COG7: variants seen among roughly 807,000 people sequenced by gnomAD.
The protein encoded by COG7 is conserved oligomeric Golgi complex subunit 7.
A neutral mutation model predicts 91.5 loss-of-function variants in COG7; 49 were observed. The observed-to-expected ratio is 0.54, with a 90% CI of 0.43 to 0.68. COG7 has a LOEUF of 0.68. COG7 is among the 30% of genes least tolerant of loss of function. The pLI, the probability that COG7 is intolerant of heterozygous loss-of-function variation, is 0.00. For synonymous variants in COG7, 365 were observed against 388.7 expected (o/e 0.94, Z 0.72); for missense variants, 895 against 961.3 (o/e 0.93, Z 0.91).
intron 10 of COG7, chr16:23,413,115 C>T (rs1003155258): frequency 3.1e-6 from 1 of 326,580 alleles, no homozygotes; most frequent in Non-Finnish European, 5.9e-6. Flanking sequence ...AATACATAAG[C>T]CCTAAGTTAT....
chr16:23,397,133 T>C (rs1963298210), intron 14 of COG7, among the ~76,000 whole-genome samples: 1 of 152,118 alleles, frequency 6.6e-6, no homozygotes, highest in Non-Finnish European at 1.5e-5. Context: ...GGTTTCAAAT[T>C]TTTGGGCTCA....
Position 23,442,513 on chromosome 16 carries a change from GACTGGCT to G in COG7, c.561_567del (p.Ala188HisfsTer4), listed in dbSNP as rs1361000986. ...GAGGTGAATGCCGCTACAATCTGTG[GACTGGCT>G]AGGGCCTCCAGCCTGTTCTTCAGTG... On this transcript the variant is annotated frameshift_variant, in exon 4 of 17. Transcript: ENST00000307149. LOFTEE classifies it high-confidence loss of function. 6.2e-7 allele frequency: 1 copy of G among 1,613,950 alleles called. No individual in the cohort carries two copies. The highest frequency in any genetic ancestry group is 8.5e-7 in the Non-Finnish European group (1 of 1,180,030).
intron 6 of COG7, among the ~76,000 whole-genome samples, chr16:23,432,232 C>G (rs994588559): frequency 3.9e-5 from 6 of 152,106 alleles, no homozygotes; most frequent in African/African-American, 9.7e-5. Context: ...GTGCTTTAAC[C>G]AACAACTTGA....
chr16:23,417,006 G>A lies in COG7; in HGVS notation c.1253C>T (p.Thr418Ile). ...RCVRFTNGLG[T>I]CGLLSALKSL... is the part of the protein sequence containing the mutation. ...TTTCAGGGCTGACAACAGGCCGCAG[G>A]TCCCCAGGCCATTGGTGAATCTGAC... is the stretch of plus-strand genomic sequence containing the variant. Residue 418 changes from threonine to isoleucine, a missense_variant, in exon 9 of 17, where the codon ACC becomes ATC. Thr to Ile is a moderately conservative substitution (Grantham distance 89). Coordinates refer to ENST00000307149, the MANE Select transcript of COG7 (RefSeq NM_153603.4). 1.2e-6 allele frequency: 2 copies of A among 1,614,194 alleles called. No individual in the cohort carries two copies. Among genetic ancestry groups the A allele is most frequent in the Non-Finnish European group, 1.7e-6 (2 of 1,180,032 alleles).
At chr16:23,401,043 T>G (rs1292640358) in intron 13 of COG7, among the ~76,000 whole-genome samples, 1 of 152,184 alleles carries the variant, frequency 6.6e-6, no homozygotes, top group Non-Finnish European at 1.5e-5. Context: ...CAGGTCATTT[T>G]TTAATTGTTC....
intron 10 of COG7, chr16:23,413,111 T>C: frequency 3.1e-6 from 1 of 322,370 alleles, no homozygotes; most frequent in South Asian, 2.8e-5. Flanking sequence ...TTCTAATACA[T>C]AAGCCCTAAG....
chr16:23,446,046 G>A (rs946773495), intron 1 of COG7, 85 bp from the exon 2 acceptor site: 20 of 1,479,998 alleles, frequency 1.4e-5, no homozygotes, highest in Admixed American at 1.9e-5. Flanking sequence ...GTAAAATACA[G>A]GAAACAAATC....
At chr16:23,422,555 A>G (rs1246513514) in intron 7 of COG7, among the ~76,000 whole-genome samples, 3 of 150,068 alleles carry the variant, frequency 2.0e-5, no homozygotes, top group Non-Finnish European at 4.4e-5. Context: ...TATATGGTAG[A>G]TATTAAGTAT....
At chr16:23,421,969 T>C (rs942903340) in intron 7 of COG7, among the ~76,000 whole-genome samples, 1 of 151,982 alleles carries the variant, frequency 6.6e-6, no homozygotes, top group Non-Finnish European at 1.5e-5. Context: ...CAAAAACTAA[T>C]GTATAAAACA....
At chr16:23,389,243 A>G (rs1963148409) in intron 16 of COG7, among the ~76,000 whole-genome samples, 157 bp from the exon 17 acceptor site, 1 of 151,878 alleles carries the variant, frequency 6.6e-6, no homozygotes, top group South Asian at 2.1e-4. Context: ...CCCTTTACTC[A>G]CCAGGTTCTT....
chr16:23,446,011 A>G, intron 1 of COG7, 50 bp from the exon 2 acceptor site: 2 of 1,593,186 alleles, frequency 1.3e-6, no homozygotes, highest in Non-Finnish European at 1.7e-6. Context: ...ATAGCCACAA[A>G]AGGTGAAAGT....
intron 7 of COG7, among the ~76,000 whole-genome samples, chr16:23,419,617 C>T (rs1478311276): frequency 6.7e-6 from 1 of 150,114 alleles, no homozygotes; most frequent in Admixed American, 6.7e-5. Context: ...GGCGTAGTGG[C>T]GGGCACCTGT....
chr16:23,450,265 T>C (rs1421344431), intron 1 of COG7, among the ~76,000 whole-genome samples: 2 of 152,090 alleles, frequency 1.3e-5, no homozygotes, highest in African/African-American at 4.8e-5. Context: ...ATTAATGTCC[T>C]TTCCTCTTTG....
At position 23,388,871 on chromosome 16, in the gene COG7, T is replaced by TCG. The variant is rs1333691218; in HGVS notation, c.*47_*48dup. On this transcript the variant is annotated 3_prime_UTR_variant, in exon 17 of 17. Coordinates refer to ENST00000307149, the MANE Select transcript of COG7 (RefSeq NM_153603.4). Reference sequence around the variant, plus strand: ...TTCTGAGCAAATCTGTGCTGGTGAGTCGCGAAACAGCAGCCCTGGCTCTCT... The same window carrying TCG: ...TTCTGAGCAAATCTGTGCTGGTGAGTCGCGCGAAACAGCAGCCCTGGCTCTCT... The TCG allele has an allele frequency of 1.9e-6, 3 of 1,611,248 alleles. No homozygotes were observed. The highest frequency in any genetic ancestry group is 3.4e-5 in the Admixed American group (2 of 59,666).
chr16:23,404,479 T>TA (rs546578075), intron 12 of COG7, among the ~76,000 whole-genome samples: 3 of 152,258 alleles, frequency 2.0e-5, no homozygotes, highest in Non-Finnish European at 4.4e-5. Context: ...AGAATTGCTT[T>TA]ACGAAGTGTT....
chr16:23,428,549 T>C (rs1338876583), intron 6 of COG7, among the ~76,000 whole-genome samples: 1 of 152,024 alleles, frequency 6.6e-6, no homozygotes, highest in Non-Finnish European at 1.5e-5. Context: ...GATGAGATAC[T>C]ACTACACACC....
chr16:23,410,872 AT>A (rs1963551448), intron 10 of COG7, among the ~76,000 whole-genome samples: 1 of 151,954 alleles, frequency 6.6e-6, no homozygotes, highest in African/African-American at 2.4e-5. Flanking sequence ...CGCCTGGCTA[AT>A]TTTTGTTATT....
At chr16:23,439,072 C>T (rs192655721) in intron 4 of COG7, among the ~76,000 whole-genome samples, 93 of 150,488 alleles carry the variant, frequency 6.2e-4, no homozygotes, top group South Asian at 2.3e-3. Flanking sequence ...GCACAAGAAT[C>T]GCTTCAATCT....
At position 23,423,380 on chromosome 16, in the gene COG7, G is replaced by A. The variant is rs1391943074; in HGVS notation, c.1009+1369C>T. On this transcript the variant is annotated intron_variant, in intron 7 of 16. Coordinates refer to ENST00000307149, the MANE Select transcript of COG7 (RefSeq NM_153603.4). ...ACTCGTCCCATGGCTGACTAGCAAA[G>A]CACTTCCAGATCTGTCTCAAGGGTG... Among the ~76,000 whole-genome samples the A allele has an allele frequency of 2.0e-5, 3 of 152,252 alleles. No homozygotes were observed. In the East Asian group the frequency reaches 5.8e-4, roughly 29 times the overall value.
Sources: gnomAD v4.1 joint callset for allele counts (sites outside exome capture counted in the v4.1 genomes callset) on GRCh38, gnomAD v4.1.1 for gene constraint, MANE v1.5 for transcripts, NCBI Gene and HGNC (gene_info 2026-07-23, HGNC 2026-07-21) for gene names.